Variants in BBOX1 observed in about 807,000 individuals in gnomAD.
BBOX1 encodes the protein gamma-butyrobetaine dioxygenase.
BBOX1 carries 35 observed loss-of-function variants against 41.6 expected under a neutral mutation model. That is an observed-to-expected ratio of 0.84 (90% confidence interval 0.64 to 1.11). BBOX1 has a LOEUF of 1.11. BBOX1 is among the 50% of genes most tolerant of loss of function. The pLI, the probability that BBOX1 is intolerant of heterozygous loss-of-function variation, is 0.00. For synonymous variants in BBOX1, 163 were observed against 154.7 expected (o/e 1.05, Z -0.40); for missense variants, 458 against 460.6 (o/e 0.99, Z 0.05).
chr11:27,075,076 T>C, intron 4 of BBOX1, among the ~76,000 whole-genome samples: 1 of 152,246 alleles, frequency 6.6e-6, no homozygotes, highest in East Asian at 1.9e-4. Flanking sequence ...TTTTTCTGTT[T>C]CCTTCTCATT....
intron 2 of BBOX1, among the ~76,000 whole-genome samples, chr11:27,048,552 A>C (rs1367508689): frequency 2.7e-5 from 4 of 150,894 alleles, no homozygotes. Context: ...ATAGATAGAT[A>C]GATAATAGAT....
At chr11:27,043,485 G>C (rs1418904590) in intron 2 of BBOX1, among the ~76,000 whole-genome samples, 1 of 141,220 alleles carries the variant, frequency 7.1e-6, no homozygotes, top group Non-Finnish European at 1.6e-5. Context: ...GTATACACAT[G>C]CCATGGTGGT....
chr11:27,082,498 T>C (rs1399555440), intron 4 of BBOX1, among the ~76,000 whole-genome samples: 1 of 152,118 alleles, frequency 6.6e-6, no homozygotes, highest in Non-Finnish European at 1.5e-5. Context: ...TAATCTTTCT[T>C]TCTGATATCC....
chr11:27,086,418 T>G (rs1311998727), intron 4 of BBOX1, among the ~76,000 whole-genome samples: 1 of 152,144 alleles, frequency 6.6e-6, no homozygotes, highest in Non-Finnish European at 1.5e-5. Context: ...CTGTTCTGCC[T>G]GTGCTCTATC....
Position 27,125,829 on chromosome 11 carries a change from A to G in BBOX1, c.1003+9A>G, listed in dbSNP as rs1174313791. The G allele has an allele frequency of 6.2e-7, 1 of 1,600,220 alleles. No individual in the cohort carries two copies. Among genetic ancestry groups the G allele is most frequent in the Non-Finnish European group, 8.5e-7 (1 of 1,174,656 alleles). On this transcript the variant is annotated intron_variant, in intron 8 of 8. Transcript: ENST00000263182. ...CTTCAAGATGAATCCAGGTCAGTGAATACATTTTCTCAAATAACCAAAAGC... is the reference window on the plus strand; with the variant it reads ...CTTCAAGATGAATCCAGGTCAGTGAGTACATTTTCTCAAATAACCAAAAGC...
chr11:27,061,871 G>A (rs926917297), intron 4 of BBOX1, among the ~76,000 whole-genome samples: 1 of 152,144 alleles, frequency 6.6e-6, no homozygotes, highest in Admixed American at 6.6e-5. Flanking sequence ...TATCTATTTT[G>A]TGCCAGGACC....
At chr11:27,064,937 A>G (rs1045248244) in intron 4 of BBOX1, among the ~76,000 whole-genome samples, 4 of 152,016 alleles carry the variant, frequency 2.6e-5, no homozygotes, top group Non-Finnish European at 5.9e-5. Context: ...AAACATCTCA[A>G]AGGCCCATAT....
chr11:27,097,690 T>C (rs1481676415), intron 5 of BBOX1, among the ~76,000 whole-genome samples: 1 of 151,924 alleles, frequency 6.6e-6, no homozygotes, highest in Non-Finnish European at 1.5e-5. Context: ...TGAGGGAACA[T>C]GACAGTCAAT....
chr11:27,086,995 C>T (rs1301499380), intron 4 of BBOX1, among the ~76,000 whole-genome samples: 3 of 152,050 alleles, frequency 2.0e-5, no homozygotes, highest in African/African-American at 2.4e-5. Context: ...AACTAAATTG[C>T]TACAATCTCA....
At chr11:27,125,909 AG>A in intron 8 of BBOX1, 89 bp downstream of exon 8, 2 of 1,381,232 alleles carry the variant, frequency 1.4e-6, no homozygotes, top group South Asian at 2.9e-5. Flanking sequence ...AGTTTTTCTC[AG>A]GTATGGCATG....
chr11:27,084,895 T>C (rs1466190953), intron 4 of BBOX1, among the ~76,000 whole-genome samples: 1 of 152,160 alleles, frequency 6.6e-6, no homozygotes, highest in Non-Finnish European at 1.5e-5. Context: ...AAGGAAGTAT[T>C]TATTAGTAAG....
At chr11:27,098,813 T>C (rs1858539431) in intron 5 of BBOX1, among the ~76,000 whole-genome samples, 1 of 151,996 alleles carries the variant, frequency 6.6e-6, no homozygotes, top group African/African-American at 2.4e-5. Context: ...TACAGTGTCA[T>C]TTTAAAAAAT....
intron 7 of BBOX1, among the ~76,000 whole-genome samples, 161 bp downstream of exon 7, chr11:27,120,006 T>G (rs1322863414): frequency 2.1e-5 from 3 of 142,234 alleles, no homozygotes; most frequent in African/African-American, 4.9e-5. Context: ...ACCATAAAAG[T>G]TTTTATTAAA....
At chr11:27,105,265 A>G (rs1858821936) in intron 5 of BBOX1, among the ~76,000 whole-genome samples, 1 of 152,190 alleles carries the variant, frequency 6.6e-6, no homozygotes, top group South Asian at 2.1e-4. Context: ...TTGAGAGAAG[A>G]TGGCTTCAGA....
Position 27,045,913 on chromosome 11 carries a change from G to A in BBOX1, c.-39+4435G>A, listed in dbSNP as rs112744450. On this transcript the variant is annotated intron_variant, in intron 2 of 8. Transcript: ENST00000263182. ...CCTGTGAATTCCCTCCAAAGCCTATGATTGAAATTAGTTGTAAGTAATGTT... is the reference window on the plus strand; with the variant it reads ...CCTGTGAATTCCCTCCAAAGCCTATAATTGAAATTAGTTGTAAGTAATGTT... Among the ~76,000 whole-genome samples the A allele has an allele frequency of 5.3e-3, 807 of 152,238 alleles. 9 individuals carry two copies. Among genetic ancestry groups the A allele is most frequent in the African/African-American group, 0.018 (756 of 41,538 alleles).
At chr11:27,116,013 C>T (rs918220493) in intron 6 of BBOX1, among the ~76,000 whole-genome samples, 2 of 152,010 alleles carry the variant, frequency 1.3e-5, no homozygotes, top group Admixed American at 1.3e-4. Context: ...TATAAAGACA[C>T]ATGCACATGT....
At chr11:27,123,888 A>G (rs1859553166) in intron 7 of BBOX1, among the ~76,000 whole-genome samples, 1 of 152,182 alleles carries the variant, frequency 6.6e-6, no homozygotes, top group Non-Finnish European at 1.5e-5. Context: ...ATGCAAATCT[A>G]TGTTTTAAGA....
chr11:27,119,723 C>G lies in BBOX1; in HGVS notation c.714C>G (p.Cys238Trp). 1 of 1,604,396 alleles carries G rather than the reference C, an allele frequency of 6.2e-7. No individual in the cohort carries two copies. Among genetic ancestry groups the G allele is most frequent in the Non-Finnish European group, 8.5e-7 (1 of 1,176,814 alleles). ...DSEIVDGFNV[C>W]QKLKKNNPQA... ...AAATTGTAGATGGGTTTAATGTGTGCCAAAAACTAAAGAAAAATAATCCTC... is the reference window on the plus strand; with the variant it reads ...AAATTGTAGATGGGTTTAATGTGTGGCAAAAACTAAAGAAAAATAATCCTC... The change falls in exon 7 of 9, where the codon TGC becomes TGG. Residue 238 changes from cysteine to tryptophan, a missense_variant. Cys to Trp is a radical substitution (Grantham distance 215). Coordinates refer to ENST00000263182, the MANE Select transcript of BBOX1 (RefSeq NM_003986.3).
At chr11:27,086,188 C>T (rs1229727604) in intron 4 of BBOX1, among the ~76,000 whole-genome samples, 1 of 152,078 alleles carries the variant, frequency 6.6e-6, no homozygotes, top group African/African-American at 2.4e-5. Flanking sequence ...GGTGGATACA[C>T]TAAGTAGCAG....
Sources: gnomAD v4.1 joint callset for allele counts (sites outside exome capture counted in the v4.1 genomes callset) on GRCh38, gnomAD v4.1.1 for gene constraint, MANE v1.5 for transcripts, NCBI Gene and HGNC (gene_info 2026-07-23, HGNC 2026-07-21) for gene names.